CHCHD6: variants seen among roughly 807,000 people sequenced by gnomAD.
The protein encoded by CHCHD6 is MICOS complex subunit MIC25.
Under a neutral mutation model 32.3 loss-of-function variants are expected in CHCHD6, and 28 were observed. The ratio of observed to expected loss-of-function variants is 0.87; its 90% CI spans 0.64 to 1.19. CHCHD6 has a LOEUF of 1.19. CHCHD6 is among the 50% of genes most tolerant of loss of function. The pLI is 0.00. For synonymous variants in CHCHD6, 122 were observed against 117.5 expected, an observed-to-expected ratio of 1.04 and a Z score of -0.25; for missense variants, 333 against 307.0, an observed-to-expected ratio of 1.08 and a Z score of -0.63.
At chr3:126,877,295 C>T (rs2077551901) in intron 5 of CHCHD6, among the ~76,000 whole-genome samples, 1 of 152,100 alleles carries the variant, frequency 6.6e-6, no homozygotes, top group Non-Finnish European at 1.5e-5. Flanking sequence ...GTGGCTCGCA[C>T]CTGTAATCTC....
At chr3:126,798,995 T>C (rs1938933809) in intron 4 of CHCHD6, among the ~76,000 whole-genome samples, 1 of 152,246 alleles carries the variant, frequency 6.6e-6, no homozygotes. Context: ...TTCAAGAAGC[T>C]GTCTATGCCC....
chr3:126,824,775 C>T (rs1250825212), intron 4 of CHCHD6, among the ~76,000 whole-genome samples: 1 of 151,686 alleles, frequency 6.6e-6, no homozygotes, highest in East Asian at 2.0e-4. Context: ...GACGGGATTT[C>T]ACCATGTTGG....
chr3:126,913,283 A>G (rs959674891), intron 5 of CHCHD6, among the ~76,000 whole-genome samples: 12 of 121,754 alleles, frequency 9.9e-5, no homozygotes, highest in African/African-American at 3.4e-4. Context: ...AGGCTGAAGT[A>G]CAGTGGCACA....
At chr3:126,774,580 T>G (rs1041931400) in intron 4 of CHCHD6, among the ~76,000 whole-genome samples, 4 of 152,098 alleles carry the variant, frequency 2.6e-5, no homozygotes, top group Admixed American at 2.6e-4. Context: ...GGGCACCTGC[T>G]TACTGCTCCC....
chr3:126,715,205 T>A (rs2107651701), intron 1 of CHCHD6, among the ~76,000 whole-genome samples: 1 of 152,274 alleles, frequency 6.6e-6, no homozygotes, highest in African/African-American at 2.4e-5. Flanking sequence ...CAGCTCCATG[T>A]TACTGCCTTT....
At chr3:126,956,286 A>G (rs2078782025) in intron 6 of CHCHD6, among the ~76,000 whole-genome samples, 2 of 152,204 alleles carry the variant, frequency 1.3e-5, no homozygotes, top group African/African-American at 2.4e-5. Flanking sequence ...CAATTTGGAA[A>G]GGCTGTTAAG....
At chr3:126,921,654 C>T (rs2078249648) in intron 6 of CHCHD6, among the ~76,000 whole-genome samples, 1 of 152,182 alleles carries the variant, frequency 6.6e-6, no homozygotes, top group South Asian at 2.1e-4. Flanking sequence ...TTAACTATTT[C>T]CTGAAACTGA....
intron 4 of CHCHD6, among the ~76,000 whole-genome samples, chr3:126,828,369 C>T (rs1318709149): frequency 6.6e-6 from 1 of 152,202 alleles, no homozygotes; most frequent in African/African-American, 2.4e-5. Context: ...TTTGTCCTGA[C>T]TGGGGATGCC....
At chr3:126,735,429 T>A (rs1936000808) in intron 4 of CHCHD6, among the ~76,000 whole-genome samples, 1 of 152,250 alleles carries the variant, frequency 6.6e-6, no homozygotes, top group South Asian at 2.1e-4. Flanking sequence ...TTTAAAAACA[T>A]TTAACTACTT....
intron 6 of CHCHD6, among the ~76,000 whole-genome samples, chr3:126,919,209 G>A (rs886096602): frequency 6.6e-6 from 1 of 151,776 alleles, no homozygotes; most frequent in African/African-American, 2.4e-5. Context: ...ATTAGGTTAA[G>A]TTGGTTAGTC....
chr3:126,712,472 T>C (rs1456437698), intron 1 of CHCHD6, among the ~76,000 whole-genome samples: 2 of 152,198 alleles, frequency 1.3e-5, no homozygotes, highest in East Asian at 1.9e-4. Context: ...ATAATATAAA[T>C]GTAAGGTTGT....
chr3:126,899,493 C>T (rs1359563652), intron 5 of CHCHD6, among the ~76,000 whole-genome samples: 2 of 152,136 alleles, frequency 1.3e-5, no homozygotes, highest in East Asian at 1.9e-4. Flanking sequence ...ATATAGCCCA[C>T]GCGTTTCTGA....
chr3:126,739,170 A>G (rs1228136949), intron 4 of CHCHD6, among the ~76,000 whole-genome samples: 1 of 152,256 alleles, frequency 6.6e-6, no homozygotes, highest in Non-Finnish European at 1.5e-5. Context: ...GGAGAAAAAA[A>G]TCATGACATC....
intron 5 of CHCHD6, among the ~76,000 whole-genome samples, chr3:126,908,249 C>A (rs967794427): frequency 6.6e-6 from 1 of 152,198 alleles, no homozygotes; most frequent in African/African-American, 2.4e-5. Flanking sequence ...GTTCTCACTG[C>A]GTGGGAAAGG....
chr3:126,815,904 C>T (rs373721616), intron 4 of CHCHD6, among the ~76,000 whole-genome samples: 1 of 152,178 alleles, frequency 6.6e-6, no homozygotes, highest in African/African-American at 2.4e-5. Flanking sequence ...AGCCTTCCTC[C>T]CCATTTGCAG....
chr3:126,707,728 A>T (rs1033768804), intron 1 of CHCHD6, among the ~76,000 whole-genome samples: 1 of 152,172 alleles, frequency 6.6e-6, no homozygotes, highest in East Asian at 1.9e-4. Flanking sequence ...CATTGCTCCC[A>T]TGAGGCTGAT....
rs186596377 is a variant in CHCHD6, at chr3:126,721,915, T to C, written c.88-5163T>C. ...TTCAAGGTTTCTCCATGTTATAATG[T>C]GTCAGTAGTTCATTCCCTTTTATGG... On this transcript the variant is annotated intron_variant, in intron 1 of 7. Coordinates refer to ENST00000290913, the MANE Select transcript of CHCHD6 (RefSeq NM_032343.3). 2.6e-5 allele frequency among the ~76,000 whole-genome samples: 4 copies of C among 152,290 alleles called. No individual in the cohort carries two copies. The East Asian group carries it at 7.7e-4, about 29-fold the overall frequency.
intron 4 of CHCHD6, among the ~76,000 whole-genome samples, chr3:126,743,331 T>A (rs1008305871): frequency 5.3e-5 from 8 of 152,124 alleles, no homozygotes. Context: ...TTGTGGAGCC[T>A]CCCCCATTAC....
chr3:126,808,221 T>C (rs529249454), intron 4 of CHCHD6, among the ~76,000 whole-genome samples: 32 of 152,312 alleles, frequency 2.1e-4, no homozygotes, highest in Non-Finnish European at 2.1e-4. Context: ...TTCTTGGGTT[T>C]GGGTCTCATA....
Sources: allele counts gnomAD v4.1 joint callset (sites outside exome capture counted in the v4.1 genomes callset), GRCh38; gene constraint gnomAD v4.1.1; transcripts MANE v1.5; gene names NCBI Gene and HGNC (gene_info 2026-07-23, HGNC 2026-07-21).